PHYHIPL: variants seen among roughly 807,000 people sequenced by gnomAD.
PHYHIPL encodes phytanoyl-CoA hydroxylase-interacting protein-like.
PHYHIPL carries 9 observed loss-of-function variants against 33.4 expected under a neutral mutation model. That is an observed-to-expected ratio of 0.27 (90% CI 0.16 to 0.47). PHYHIPL has a LOEUF of 0.47. Ranked by LOEUF, PHYHIPL falls within the 20% of genes least tolerant of loss-of-function variation. The probability of loss-of-function intolerance (pLI) is 0.99; values close to 1 mark genes in which losing one functional copy is unlikely to be tolerated. For synonymous variants in PHYHIPL, 153 were observed against 154.1 expected (o/e 0.99, Z 0.05); for missense variants, 365 against 460.7 (o/e 0.79, Z 1.90).
chr10:59,244,868 C>T (rs1840592554), intron 4 of PHYHIPL, among the ~76,000 whole-genome samples, 189 bp from the exon 5 acceptor site: 1 of 152,070 alleles, frequency 6.6e-6, no homozygotes, highest in Non-Finnish European at 1.5e-5. Context: ...TCATCCTTAC[C>T]TTAAGGTCAA....
chr10:59,243,763 AAAC>A (rs1003445614), intron 4 of PHYHIPL, among the ~76,000 whole-genome samples: 64 of 150,246 alleles, frequency 4.3e-4, no homozygotes, highest in African/African-American at 1.5e-3. Context: ...AAAAAAAAAC[AAAC>A]AACAAAAAAA....
intron 1 of PHYHIPL, among the ~76,000 whole-genome samples, chr10:59,201,462 A>G (rs1397446742): frequency 6.6e-6 from 1 of 152,152 alleles, no homozygotes; most frequent in East Asian, 1.9e-4. Flanking sequence ...TTTGCTGAAG[A>G]GAGCTTTACT....
intron 1 of PHYHIPL, among the ~76,000 whole-genome samples, chr10:59,231,360 A>G (rs988861771): frequency 6.6e-6 from 1 of 152,106 alleles, no homozygotes; most frequent in Non-Finnish European, 1.5e-5. Context: ...AGAGATACCT[A>G]AAACGTGGTG....
chr10:59,178,528 A>G (rs904141169), intron 1 of PHYHIPL, among the ~76,000 whole-genome samples: 2 of 152,110 alleles, frequency 1.3e-5, no homozygotes, highest in Admixed American at 1.3e-4. Context: ...AAATATTTTT[A>G]TTTTCTTAGG....
intron 4 of PHYHIPL, among the ~76,000 whole-genome samples, chr10:59,242,285 C>G (rs956303035): frequency 6.6e-6 from 1 of 152,078 alleles, no homozygotes; most frequent in African/African-American, 2.4e-5. Flanking sequence ...TAGTGGGAGC[C>G]TAAACTCCTA....
rs1360855893 is a variant in PHYHIPL at position 59,234,403 on chromosome 10, C to T, written c.206C>T (p.Ser69Leu). Residue 69 changes from serine to leucine, a missense_variant, in exon 2 of 5, where the codon TCA becomes TTA. Coordinates refer to ENST00000373880, the MANE Select transcript of PHYHIPL (RefSeq NM_032439.4). ...ATAACGTGTGACTCATTCAAGATTT[C>T]ATGGGAAATGGATTCAAAATCAAAG... ...SNITCDSFKISWEMDSKSKDR... is the reference protein window; with the variant it reads ...SNITCDSFKILWEMDSKSKDR... 4 of 1,603,668 alleles carry T rather than the reference C, an allele frequency of 2.5e-6. No homozygotes were observed. In the African/African-American group the frequency reaches 4.0e-5, roughly 16 times the overall value.
At chr10:59,227,831 T>C (rs1335236029) in intron 1 of PHYHIPL, among the ~76,000 whole-genome samples, 1 of 152,138 alleles carries the variant, frequency 6.6e-6, no homozygotes, top group Non-Finnish European at 1.5e-5. Context: ...TTTTCTCCTT[T>C]TATTTCCCTA....
At chr10:59,199,302 A>G (rs1168624177) in intron 1 of PHYHIPL, among the ~76,000 whole-genome samples, 51 of 152,122 alleles carry the variant, frequency 3.4e-4, no homozygotes, top group Non-Finnish European at 7.4e-5. Context: ...AGCACCATTT[A>G]TTAAATAGGG....
chr10:59,215,363 A>C (rs1396833063), intron 1 of PHYHIPL, among the ~76,000 whole-genome samples: 1 of 152,064 alleles, frequency 6.6e-6, no homozygotes, highest in African/African-American at 2.4e-5. Flanking sequence ...TCATTATGAG[A>C]CTTTATGAAT....
At chr10:59,210,892 G>A (rs1839421514) in intron 1 of PHYHIPL, among the ~76,000 whole-genome samples, 1 of 152,042 alleles carries the variant, frequency 6.6e-6, no homozygotes, top group African/African-American at 2.4e-5. Flanking sequence ...CATAGACACA[G>A]GGAGGGGAAC....
intron 2 of PHYHIPL, among the ~76,000 whole-genome samples, chr10:59,236,160 T>C (rs1289853474): frequency 6.6e-6 from 1 of 151,954 alleles, no homozygotes; most frequent in Non-Finnish European, 1.5e-5. Context: ...CGAACTTGTC[T>C]CTTGATAAAG....
At chr10:59,215,823 C>A (rs147868798) in intron 1 of PHYHIPL, among the ~76,000 whole-genome samples, 2,741 of 105,980 alleles carry the variant, frequency 0.026, 54 homozygotes, top group Non-Finnish European at 0.03. Flanking sequence ...AGACAGACAA[C>A]CAGCCTTCAT....
intron 4 of PHYHIPL, among the ~76,000 whole-genome samples, chr10:59,242,677 A>G (rs1224516110): frequency 6.6e-6 from 1 of 152,212 alleles, no homozygotes; most frequent in Non-Finnish European, 1.5e-5. Context: ...CTTGAAACAC[A>G]TAAAAACGGA....
intron 1 of PHYHIPL, among the ~76,000 whole-genome samples, chr10:59,212,256 G>A (rs1464785398): frequency 6.6e-6 from 1 of 152,164 alleles, no homozygotes; most frequent in Non-Finnish European, 1.5e-5. Flanking sequence ...CTCTCTTTCT[G>A]TATAAGTTAC....
intron 1 of PHYHIPL, among the ~76,000 whole-genome samples, chr10:59,204,249 C>G (rs1041044947): frequency 6.6e-6 from 1 of 152,078 alleles, no homozygotes; most frequent in African/African-American, 2.4e-5. Flanking sequence ...GGAGACTAGA[C>G]CTTAAGTTAA....
intron 1 of PHYHIPL, among the ~76,000 whole-genome samples, chr10:59,192,972 G>A (rs761142191): frequency 6.6e-6 from 1 of 152,102 alleles, no homozygotes; most frequent in Non-Finnish European, 1.5e-5. Context: ...TGTCTCATAG[G>A]GAGAGAGTTT....
At chr10:59,238,033 G>A (rs1840279831) in intron 3 of PHYHIPL, among the ~76,000 whole-genome samples, 1 of 151,656 alleles carries the variant, frequency 6.6e-6, no homozygotes, top group African/African-American at 2.4e-5. Flanking sequence ...AATCTTTATA[G>A]GCCAAAATGT....
chr10:59,244,576 A>AAAAAAAAAAAAAAAAAAAACC (rs1840571594), intron 4 of PHYHIPL, among the ~76,000 whole-genome samples: 1 of 148,758 alleles, frequency 6.7e-6, no homozygotes, highest in Non-Finnish European at 1.5e-5. Flanking sequence ...AAAAAAAAAA[A>AAAAAAAAAAAAAAAAAAAACC]AAAAAAAAAA....
chr10:59,215,990 G>A (rs1265500660), intron 1 of PHYHIPL, among the ~76,000 whole-genome samples: 2 of 152,056 alleles, frequency 1.3e-5, no homozygotes, highest in East Asian at 1.9e-4. Context: ...AGATTGGAAA[G>A]GAAAATCAAG....
Sources: allele counts gnomAD v4.1 joint callset (sites outside exome capture counted in the v4.1 genomes callset), GRCh38; gene constraint gnomAD v4.1.1; transcripts MANE v1.5; gene names NCBI Gene and HGNC (gene_info 2026-07-23, HGNC 2026-07-21).